The following KPNB1 variants were observed in gnomAD, a reference collection of about 807,000 sequenced individuals.
KPNB1 encodes the protein importin subunit beta-1.
A neutral mutation model predicts 113.0 loss-of-function variants in KPNB1; 7 were observed. That is an observed-to-expected ratio of 0.06 (90% CI 0.04 to 0.12). The LOEUF (loss-of-function observed/expected upper bound fraction) is 0.12, where lower values mean the gene tolerates loss of function less well. KPNB1 is among the 10% of genes least tolerant of loss of function. KPNB1 has a pLI of 1.00. For missense variants in KPNB1, 400 were observed against 1,054.8 expected, an observed-to-expected ratio of 0.38 and a Z score of 8.60; for synonymous variants, 363 against 378.6, an observed-to-expected ratio of 0.96 and a Z score of 0.48.
Position 47,665,101 on chromosome 17 carries a change from T to C in KPNB1, c.942T>C (p.Tyr314=). ...GRPPEHTSKF[Y]AKGALQYLVP... is the part of the protein sequence containing the mutation. The stretch of plus-strand genomic sequence containing the variant: ...CCCCTGAGCACACCAGCAAGTTTTA[T>C]GCGAAGGGAGCACTACAGTATCTGG... The change falls in exon 9 of 22, where the codon TAT becomes TAC. Residue 314 remains tyrosine (Y), a synonymous_variant. Coordinates refer to ENST00000290158, the MANE Select transcript of KPNB1 (RefSeq NM_002265.6). 6.2e-7 allele frequency: 1 copy of C among 1,614,238 alleles called. No homozygotes were observed. The highest frequency in any genetic ancestry group is 8.5e-7 in the Non-Finnish European group (1 of 1,180,042).
At chr17:47,669,285 TAGAG>T (rs2030382240) in intron 10 of KPNB1, among the ~76,000 whole-genome samples, 1 of 152,088 alleles carries the variant, frequency 6.6e-6, no homozygotes, top group Non-Finnish European at 1.5e-5. Flanking sequence ...GTATTCTTAG[TAGAG>T]AGACCGGGTT....
intron 9 of KPNB1, 93 bp from the exon 10 acceptor site, chr17:47,668,093 A>G (rs2030346075): frequency 2.2e-6 from 2 of 925,144 alleles, no homozygotes; most frequent in Non-Finnish European, 3.3e-6. Flanking sequence ...CTGGAGTTTA[A>G]GTTCTAAAGA....
chr17:47,653,538 G>A (rs1209811240), intron 3 of KPNB1, among the ~76,000 whole-genome samples: 1 of 152,094 alleles, frequency 6.6e-6, no homozygotes, highest in East Asian at 1.9e-4. Flanking sequence ...CACCTCGCCT[G>A]GCTGTTGTTG....
intron 6 of KPNB1, among the ~76,000 whole-genome samples, chr17:47,662,836 T>C (rs1335170297): frequency 6.6e-6 from 1 of 152,022 alleles, no homozygotes; most frequent in Non-Finnish European, 1.5e-5. Flanking sequence ...TGAGCCAAGA[T>C]CATGCCACTG....
Position 47,665,053 on chromosome 17 carries a change from T to A in KPNB1, c.898-4T>A. On this transcript the variant is annotated splice_polypyrimidine_tract_variant and splice_region_variant and intron_variant, in intron 8 of 21. Coordinates refer to ENST00000290158, the MANE Select transcript of KPNB1 (RefSeq NM_002265.6). ...TGTCTAGAATTTGCTTTGTTTCTCC[T>A]CAGGCAGCAGAACAAGGACGGCCCC... 1 of 1,613,802 alleles carries A rather than the reference T, an allele frequency of 6.2e-7. No homozygotes were observed. The highest frequency in any genetic ancestry group is 8.5e-7 in the Non-Finnish European group (1 of 1,179,698).
At position 47,675,361 on chromosome 17, in the gene KPNB1, G is replaced by GTTTTTTTTTTT. The variant is rs1166648701; in HGVS notation, c.1912+589_1912+590insTTTTTTTTTTT. The stretch of plus-strand genomic sequence containing the variant: ...TGCAACGGAGATTGGCAGAGGTGTT[G>GTTTTTTTTTTT]TTTTTTTTTTGTTTTTTTTTTTTGT... On this transcript the variant is annotated intron_variant, in intron 15 of 21. Transcript: ENST00000290158. 4.4e-3 allele frequency among the ~76,000 whole-genome samples: 389 copies of GTTTTTTTTTTT among 88,538 alleles called. 70 individuals carry two copies. The highest frequency in any genetic ancestry group is 0.011 in the Middle Eastern group (2 of 182). The allele number at this position is 88,538 out of a possible 152,430, so 58.1% of individuals were successfully genotyped here.
chr17:47,675,015 T>G (rs948794582), intron 15 of KPNB1, among the ~76,000 whole-genome samples: 1 of 152,132 alleles, frequency 6.6e-6, no homozygotes, highest in Non-Finnish European at 1.5e-5. Flanking sequence ...AGATGGAGTT[T>G]CGCCATGTTG....
intron 20 of KPNB1, 86 bp downstream of exon 20, chr17:47,680,220 C>A: frequency 1.0e-6 from 1 of 972,360 alleles, no homozygotes; most frequent in Non-Finnish European, 1.6e-6. Flanking sequence ...GAGAGTATCG[C>A]GGATGGCAAC....
intron 12 of KPNB1, 37 bp from the exon 13 acceptor site, chr17:47,672,981 A>AT (rs769963372): frequency 3.8e-6 from 6 of 1,589,220 alleles, no homozygotes; most frequent in Non-Finnish European, 4.3e-6. Flanking sequence ...TGTCCTTTTC[A>AT]TTTGAGGCTT....
intron 19 of KPNB1, 158 bp downstream of exon 19, chr17:47,678,571 G>A: frequency 1.6e-6 from 1 of 611,428 alleles, no homozygotes; most frequent in Non-Finnish European, 2.9e-6. Context: ...GAGTGGCTTG[G>A]GGAAAACTGT....
intron 9 of KPNB1, among the ~76,000 whole-genome samples, chr17:47,666,506 A>G (rs1434263473): frequency 1.4e-5 from 2 of 138,632 alleles, no homozygotes; most frequent in Non-Finnish European, 3.1e-5. Flanking sequence ...ATATAATGTT[A>G]TATATTATAT....
chr17:47,675,361 G>GTGTTTTTTTTT, intron 15 of KPNB1, among the ~76,000 whole-genome samples: 1 of 88,690 alleles, frequency 1.1e-5, no homozygotes. Flanking sequence ...CAGAGGTGTT[G>GTGTTTTTTTTT]TTTTTTTTTT....
intron 10 of KPNB1, 127 bp downstream of exon 10, chr17:47,668,537 C>A: frequency 1.4e-6 from 1 of 724,234 alleles, no homozygotes; most frequent in Non-Finnish European, 2.3e-6. Flanking sequence ...TACTTGTTTA[C>A]TTTTAATGAG....
intron 10 of KPNB1, 67 bp downstream of exon 10, chr17:47,668,477 A>G (rs1202223860): frequency 3.9e-6 from 5 of 1,293,774 alleles, no homozygotes; most frequent in Non-Finnish European, 5.5e-6. Flanking sequence ...GCATATCTTT[A>G]TTTTTCAAAA....
At chr17:47,652,332 T>A (rs1161567649) in intron 2 of KPNB1, among the ~76,000 whole-genome samples, 1 of 152,216 alleles carries the variant, frequency 6.6e-6, no homozygotes, top group Non-Finnish European at 1.5e-5. Flanking sequence ...TAAAAGTTCT[T>A]GGGACACCTC....
At chr17:47,662,028 A>T (rs1425359275) in intron 6 of KPNB1, 1 of 152,228 alleles carries the variant, frequency 6.6e-6, no homozygotes, top group African/African-American at 2.4e-5. Flanking sequence ...CTGACCCTTC[A>T]AGAAGATAGA....
chr17:47,663,357 T>C (rs554510964), intron 7 of KPNB1, among the ~76,000 whole-genome samples, 179 bp downstream of exon 7: 1 of 152,280 alleles, frequency 6.6e-6, no homozygotes, highest in East Asian at 1.9e-4. Context: ...GCTAACTTTG[T>C]GTGGGTAAAA....
At chr17:47,672,460 G>A (rs530532547) in intron 12 of KPNB1, among the ~76,000 whole-genome samples, 2 of 151,336 alleles carry the variant, frequency 1.3e-5, no homozygotes, top group Admixed American at 6.6e-5. Context: ...GTGCGGTCTC[G>A]GCCCACTGCA....
chr17:47,655,876 G>A (rs572111307), intron 3 of KPNB1, among the ~76,000 whole-genome samples: 1 of 152,258 alleles, frequency 6.6e-6, no homozygotes, highest in South Asian at 2.1e-4. Flanking sequence ...TTGTTTCTAG[G>A]TTCTAGGGCA....
Sources: allele counts gnomAD v4.1 joint callset (sites outside exome capture counted in the v4.1 genomes callset), GRCh38; gene constraint gnomAD v4.1.1; transcripts MANE v1.5; gene names NCBI Gene and HGNC (gene_info 2026-07-23, HGNC 2026-07-21).